Variants in ECPAS observed in about 807,000 individuals in gnomAD.
The protein encoded by ECPAS is proteasome adapter and scaffold protein ECM29.
In ECPAS, 70 loss-of-function variants were observed where a neutral mutation model predicts 255.1. The ratio of observed to expected loss-of-function variants is 0.27; its 90% CI spans 0.23 to 0.33. The LOEUF is 0.33. ECPAS is among the 10% of genes least tolerant of loss of function. The pLI is 1.00. For synonymous variants in ECPAS, 784 were observed against 775.0 expected (o/e 1.01, Z -0.19); for missense variants, 1,817 against 2,206.4 (o/e 0.82, Z 3.54).
Position 111,385,347 on chromosome 9 carries a change from T to C in ECPAS, c.3623A>G (p.Asp1208Gly). Residue 1208 changes from aspartate to glycine, a missense_variant, in exon 33 of 50, where the codon GAT becomes GGT. Asp to Gly is a moderately conservative substitution (Grantham distance 94). Coordinates refer to ENST00000684092, the MANE Select transcript of ECPAS (RefSeq NM_001364929.1). ...EIWETLFRVQ[D>G]DIKESVRKAA... The stretch of plus-strand genomic sequence containing the variant: ...TTATTTCTATAATACCTTGATATCA[T>C]CTTGTACTCTAAAAAGCGTTTCCCA... The C allele has an allele frequency of 2.0e-6, 3 of 1,471,632 alleles. No individual in the cohort carries two copies. Among genetic ancestry groups the C allele is most frequent in the Non-Finnish European group, 2.8e-6 (3 of 1,067,410 alleles). The allele number at this position is 1,471,632 out of a possible 1,614,324, so 91.2% of individuals were successfully genotyped here. A position where few individuals can be genotyped will look rare whatever the true frequency, so the allele number is the denominator to read the frequency against.
At chr9:111,461,460 G>C (rs1211930495) in intron 2 of ECPAS, among the ~76,000 whole-genome samples, 1 of 151,966 alleles carries the variant, frequency 6.6e-6, no homozygotes, top group Non-Finnish European at 1.5e-5. Context: ...GCAAGACCTT[G>C]TCTCAAAAAA....
intron 24 of ECPAS, among the ~76,000 whole-genome samples, chr9:111,398,590 G>C (rs1179384955): frequency 1.3e-5 from 2 of 152,088 alleles, no homozygotes; most frequent in Admixed American, 6.6e-5. Context: ...GCAGGGCAAA[G>C]TGGCTGAACG....
At chr9:111,375,272 C>A in intron 37 of ECPAS, 70 bp from the exon 38 acceptor site, 1 of 1,127,514 alleles carries the variant, frequency 8.9e-7, no homozygotes, top group Non-Finnish European at 1.3e-6. Context: ...CAATTAAAAA[C>A]TGCCCTTGTC....
At chr9:111,474,276 G>C (rs995407580) in intron 1 of ECPAS, among the ~76,000 whole-genome samples, 2 of 152,088 alleles carry the variant, frequency 1.3e-5, no homozygotes, top group African/African-American at 2.4e-5. Flanking sequence ...TCTGTCTAGA[G>C]GCTACACTCT....
rs966721134 is a variant in ECPAS, at chr9:111,392,963, T to C, written c.2978-81A>G. 6.3e-6 allele frequency: 5 copies of C among 799,028 alleles called. No individual in the cohort carries two copies. The African/African-American group carries it at 8.7e-5, about 14-fold the overall frequency. The allele number at this position is 799,028 out of a possible 1,614,324, so 49.5% of individuals were successfully genotyped here. On this transcript the variant is annotated intron_variant, in intron 27 of 49. Transcript: ENST00000684092. ...TATGAAATCAAAATTTTTAAAGTTA[T>C]GTTGACACTGACCCAAAATGATATC... is the stretch of plus-strand genomic sequence containing the variant.
intron 12 of ECPAS, among the ~76,000 whole-genome samples, chr9:111,423,454 A>G (rs974178151): frequency 6.6e-6 from 1 of 152,214 alleles, no homozygotes; most frequent in African/African-American, 2.4e-5. Context: ...CACACTAACT[A>G]AAAGGAAAAA....
intron 5 of ECPAS, among the ~76,000 whole-genome samples, chr9:111,440,966 C>T (rs1000820518): frequency 6.6e-6 from 1 of 151,470 alleles, no homozygotes; most frequent in African/African-American, 2.4e-5. Flanking sequence ...AGATCGAGAC[C>T]ATGGTGAAAC....
chr9:111,446,472 A>C (rs2098253141), intron 3 of ECPAS, among the ~76,000 whole-genome samples: 1 of 152,366 alleles, frequency 6.6e-6, no homozygotes, highest in Middle Eastern at 3.4e-3. Flanking sequence ...CAAAGCATGC[A>C]TAAAGAAAGC....
At chr9:111,375,250 G>C in intron 37 of ECPAS, 48 bp from the exon 38 acceptor site, 3 of 1,424,916 alleles carry the variant, frequency 2.1e-6, no homozygotes, top group Non-Finnish European at 3.0e-6. Flanking sequence ...AAATAAGTCA[G>C]GACCACATCT....
chr9:111,421,400 AT>A (rs1286883632), intron 15 of ECPAS, among the ~76,000 whole-genome samples: 21 of 142,808 alleles, frequency 1.5e-4, no homozygotes, highest in Non-Finnish European at 2.6e-4. Flanking sequence ...TATATTACAT[AT>A]TACATATATG....
intron 1 of ECPAS, among the ~76,000 whole-genome samples, chr9:111,479,242 T>C (rs1474982206): frequency 6.6e-6 from 1 of 152,144 alleles, no homozygotes; most frequent in Non-Finnish European, 1.5e-5. Flanking sequence ...GTCACCAATT[T>C]ACTTTGAAAT....
intron 3 of ECPAS, among the ~76,000 whole-genome samples, chr9:111,445,121 G>A (rs996952561): frequency 6.8e-6 from 1 of 147,774 alleles, no homozygotes; most frequent in East Asian, 2.1e-4. Flanking sequence ...TCAGCCTCCC[G>A]AGTAGCTGGG....
At chr9:111,421,407 ATATGTGTG>A (rs886564326) in intron 15 of ECPAS, among the ~76,000 whole-genome samples, 9 of 127,354 alleles carry the variant, frequency 7.1e-5, no homozygotes, top group African/African-American at 2.8e-4. Flanking sequence ...CATATTACAT[ATATGTGTG>A]TGTGTGTGTG....
In ECPAS at chr9:111,371,832, AG is replaced by A; in HGVS notation, c.4529-4del. 4 of 1,597,602 alleles carry A rather than the reference AG, an allele frequency of 2.5e-6. No individual in the cohort carries two copies. Among genetic ancestry groups the A allele is most frequent in the Non-Finnish European group, 3.4e-6 (4 of 1,171,096 alleles). On this transcript the variant is annotated splice_polypyrimidine_tract_variant and splice_region_variant and intron_variant, in intron 42 of 49. Transcript: ENST00000684092. Reference sequence around the variant, plus strand: ...TAATCGAATGCCACCAAAGGATCCTAGGAAAGCAAAATTAAAACAACTTTTA... The same window carrying A: ...TAATCGAATGCCACCAAAGGATCCTAGAAAGCAAAATTAAAACAACTTTTA...
chr9:111,453,714 T>G (rs1186352074), intron 2 of ECPAS, among the ~76,000 whole-genome samples: 1 of 152,202 alleles, frequency 6.6e-6, no homozygotes, highest in Non-Finnish European at 1.5e-5. Context: ...TTTACCCCTC[T>G]GGTATTCATA....
rs909833125 is a variant in ECPAS at position 111,394,010 on chromosome 9, T to C, written c.2922+150A>G. On this transcript the variant is annotated intron_variant, in intron 26 of 49. Coordinates refer to ENST00000684092, the MANE Select transcript of ECPAS (RefSeq NM_001364929.1). Reference sequence around the variant, plus strand: ...AAGGCTAGAATCATCTTCCAGCCTATATACATCAGGCCACCATCCTTCATT... The same window carrying C: ...AAGGCTAGAATCATCTTCCAGCCTACATACATCAGGCCACCATCCTTCATT... 35 of 839,534 alleles carry C rather than the reference T, an allele frequency of 4.2e-5. No homozygotes were observed. In the African/African-American group the frequency reaches 5.7e-4, roughly 14 times the overall value. 52.0% of individuals were successfully genotyped at this position (839,534 alleles called of 1,614,324 possible).
intron 45 of ECPAS, 21 bp downstream of exon 45, chr9:111,370,414 T>C: frequency 2.0e-6 from 3 of 1,491,894 alleles, no homozygotes; most frequent in Middle Eastern, 1.8e-4. Context: ...AAACCAGAAC[T>C]GAGGATACAG....
intron 3 of ECPAS, among the ~76,000 whole-genome samples, chr9:111,448,505 A>G (rs2131946075): frequency 6.6e-6 from 1 of 152,366 alleles, no homozygotes; most frequent in South Asian, 2.1e-4. Context: ...CAAGATTATT[A>G]AAACTGAAAG....
At chr9:111,370,855 T>C (rs1328503246) in intron 43 of ECPAS, 90 bp from the exon 44 acceptor site, 4 of 1,242,012 alleles carry the variant, frequency 3.2e-6, no homozygotes, top group East Asian at 5.1e-5. Context: ...TTAGGAATTT[T>C]TGATAACTAT....
Sources: allele counts gnomAD v4.1 joint callset (sites outside exome capture counted in the v4.1 genomes callset), GRCh38; gene constraint gnomAD v4.1.1; transcripts MANE v1.5; gene names NCBI Gene and HGNC (gene_info 2026-07-23, HGNC 2026-07-21).